OSBPL3: variants seen among roughly 807,000 people sequenced by gnomAD.
OSBPL3 encodes the protein oxysterol binding protein like 3.
A neutral mutation model predicts 120.1 loss-of-function variants in OSBPL3; 65 were observed. That is an observed-to-expected ratio of 0.54 (90% CI 0.44 to 0.67). The LOEUF (loss-of-function observed/expected upper bound fraction) is 0.67, where lower values mean the gene tolerates loss of function less well. Among genes scored for constraint, OSBPL3 ranks in the 30% least tolerant of loss-of-function variants. OSBPL3 has a pLI of 0.00. For missense variants in OSBPL3, 1,004 were observed against 1,082.1 expected, an observed-to-expected ratio of 0.93 and a Z score of 1.01; for synonymous variants, 416 against 402.6, an observed-to-expected ratio of 1.03 and a Z score of -0.40.
chr7:24,918,140 C>T lies in OSBPL3; in HGVS notation c.-149-25519G>A, dbSNP rs1809942755. ...GGCTCACAGCAGCCAGTAATGACAC[C>T]TGGATACTCTTTGTTTACAGTTTCA... On this transcript the variant is annotated intron_variant, in intron 1 of 22. Transcript: ENST00000313367. The surrounding 1 kb of genome is among the most constrained non-coding windows in gnomAD (Gnocchi z 4.3). The T allele has an allele frequency of 7.0e-6, 6 of 857,612 alleles. No individual in the cohort carries two copies. Among genetic ancestry groups the T allele is most frequent in the Non-Finnish European group, 8.4e-6 (6 of 713,540 alleles). The allele number at this position is 857,612 out of a possible 1,614,324, so 53.1% of individuals were successfully genotyped here.
rs954373677 is a variant in OSBPL3 at position 24,978,324 on chromosome 7, T to A, written c.-150+1562A>T. Among the ~76,000 whole-genome samples the A allele has an allele frequency of 3.6e-4, 55 of 152,256 alleles. 1 individual carries two copies. The highest frequency in any genetic ancestry group is 6.3e-4 in the Non-Finnish European group (43 of 68,040). On this transcript the variant is annotated intron_variant, in intron 1 of 22. Transcript: ENST00000313367. ...ATATTTACAGAGAAGGTTTCATTTA[T>A]TCATTCTATAAATGTTTACTGCAAA... is the stretch of plus-strand genomic sequence containing the variant.
rs888198395 is a variant in OSBPL3, at chr7:24,896,012, T to C, written c.-149-3391A>G. Among the ~76,000 whole-genome samples, 4 of 152,282 alleles carry C rather than the reference T, an allele frequency of 2.6e-5. No individual in the cohort carries two copies. The highest frequency in any genetic ancestry group is 4.8e-5 in the African/African-American group (2 of 41,574). On this transcript the variant is annotated intron_variant, in intron 1 of 22. Transcript: ENST00000313367. The surrounding 1 kb of genome is among the most constrained non-coding windows in gnomAD (Gnocchi z 4.4). ...CCCCTGGAGCTGATCTTTTTGCAGA[T>C]TGCTGTCCCTGAGTAAATCTCTCCT...
rs749326073 is a variant in OSBPL3, at chr7:24,809,878, C to T, written c.2246G>A (p.Arg749Gln). 19 of 1,614,006 alleles carry T rather than the reference C, an allele frequency of 1.2e-5. No homozygotes were observed. Among genetic ancestry groups the T allele is most frequent in the East Asian group, 4.5e-5 (2 of 44,894 alleles). The change falls in exon 20 of 23, where the codon CGG becomes CAG. Residue 749 changes from arginine to glutamine, a missense_variant. By Grantham distance (43) the Arg-to-Gln change is conservative. This residue lies in a region of OSBPL3 where 473 missense variants were observed against 568.0 expected (regional missense o/e 0.83). Coordinates refer to ENST00000313367, the MANE Select transcript of OSBPL3 (RefSeq NM_015550.4). ...VFDRSGKAVH[R>Q]LFGKWHESIY... ...GCTTTCATGCCATTTCCCAAACAGC[C>T]GATGAACCGCTTTTCCACTCCTGTC...
In OSBPL3 at chr7:24,865,465, G is replaced by A. The variant is rs768568844; in HGVS notation, c.550C>T (p.Arg184Cys). ...GVFDSISSRK[R>C]SSISKQNLFQ... ...AAATTCTGCTTTGATATACTGCTAC[G>A]CTGTTCCACGGATGACAAAAGCACA... Residue 184 changes from arginine (R) to cysteine (C), a missense_variant and splice_region_variant, in exon 7 of 23, where the codon CGT becomes TGT. Arg to Cys is a radical substitution (Grantham distance 180, BLOSUM62 -3). Coordinates refer to ENST00000313367, the MANE Select transcript of OSBPL3 (RefSeq NM_015550.4). The A allele has an allele frequency of 3.7e-6, 6 of 1,613,106 alleles. No individual in the cohort carries two copies. The highest frequency in any genetic ancestry group is 1.7e-4 in the Middle Eastern group (1 of 6,054).
chr7:24,823,809 C>T (rs1795388202), intron 16 of OSBPL3, among the ~76,000 whole-genome samples: 1 of 152,174 alleles, frequency 6.6e-6, no homozygotes, highest in African/African-American at 2.4e-5. Context: ...TGATTAACTT[C>T]AATGCCCATG....
In OSBPL3 at chr7:24,962,336, G is replaced by T. The variant is rs1024886007; in HGVS notation, c.-150+17550C>A. On this transcript the variant is annotated intron_variant, in intron 1 of 22. Transcript: ENST00000313367. Reference sequence around the variant, plus strand: ...GAAAGAAAGACAGAAAGACAAGAAAGATAAGAAAGACAGCAAAGAAAGAAA... The same window carrying T: ...GAAAGAAAGACAGAAAGACAAGAAATATAAGAAAGACAGCAAAGAAAGAAA... 7.6e-5 allele frequency among the ~76,000 whole-genome samples: 11 copies of T among 145,432 alleles called. 1 individual carries two copies. Among genetic ancestry groups the T allele is most frequent in the Non-Finnish European group, 1.3e-4 (9 of 66,704 alleles).
chr7:24,938,155 AGGAGTT>A lies in OSBPL3; in HGVS notation c.-150+41725_-150+41730del, dbSNP rs1198846281. On this transcript the variant is annotated intron_variant, in intron 1 of 22. Transcript: ENST00000313367. The surrounding 1 kb of genome is among the most constrained non-coding windows in gnomAD (Gnocchi z 5.8). ...ACCTAATCACCAACCTGATGGTATT[AGGAGTT>A]GGAGCCTTTGGGCGGTGATCAAGTC... 6.6e-6 allele frequency among the ~76,000 whole-genome samples: 1 copy of A among 152,240 alleles called. No homozygotes were observed. Among genetic ancestry groups the A allele is most frequent in the African/African-American group, 2.4e-5 (1 of 41,464 alleles).
At chr7:24,887,542 G>A (rs750483428) in intron 2 of OSBPL3, among the ~76,000 whole-genome samples, 1 of 152,114 alleles carries the variant, frequency 6.6e-6, no homozygotes, top group Non-Finnish European at 1.5e-5. Context: ...TTCTCTTACC[G>A]CATTCCACAG....
At chr7:24,811,858 T>A (rs1793841371) in intron 19 of OSBPL3, among the ~76,000 whole-genome samples, 1 of 152,244 alleles carries the variant, frequency 6.6e-6, no homozygotes, top group Non-Finnish European at 1.5e-5. Context: ...TTGGTCTATG[T>A]ATCTGTTTTT....
Position 24,932,118 on chromosome 7 carries a change from C to T in OSBPL3, c.-149-39497G>A, listed in dbSNP as rs370394429. Among the ~76,000 whole-genome samples, 45 of 152,302 alleles carry T rather than the reference C, an allele frequency of 3.0e-4. No homozygotes were observed. The Middle Eastern group carries it at 0.01, about 35-fold the overall frequency. On this transcript the variant is annotated intron_variant, in intron 1 of 22. Coordinates refer to ENST00000313367, the MANE Select transcript of OSBPL3 (RefSeq NM_015550.4). The surrounding 1 kb of genome is among the most constrained non-coding windows in gnomAD (Gnocchi z 5.6). ...TGGTTCAAACCAGTGGTCAGTTTTC[C>T]CATAAACCAGTTCCCATAAACCATG...
Position 24,851,481 on chromosome 7 carries a change from C to T in OSBPL3, c.1158+1023G>A, listed in dbSNP as rs80010323. Among the ~76,000 whole-genome samples, 6,147 of 152,182 alleles carry T rather than the reference C, an allele frequency of 0.04. 183 individuals carry two copies. Among genetic ancestry groups the T allele is most frequent in the African/African-American group, 0.082 (3,393 of 41,512 alleles). On this transcript the variant is annotated intron_variant, in intron 11 of 22. Coordinates refer to ENST00000313367, the MANE Select transcript of OSBPL3 (RefSeq NM_015550.4). The surrounding 1 kb of genome is among the most constrained non-coding windows in gnomAD (Gnocchi z 4.1). ...AAGAGCATCACTTTTCTTGGCAATA[C>T]GATAAATAGAAAATATGAATCAACA... is the stretch of plus-strand genomic sequence containing the variant.
chr7:24,976,219 T>A (rs750815897), intron 1 of OSBPL3, among the ~76,000 whole-genome samples: 2 of 152,210 alleles, frequency 1.3e-5, no homozygotes, highest in African/African-American at 2.4e-5. Context: ...CAATAATGCA[T>A]GTACAGGAAC....
In OSBPL3 at chr7:24,896,043, T is replaced by A. The variant is rs1016406602; in HGVS notation, c.-149-3422A>T. Among the ~76,000 whole-genome samples, 1 of 152,198 alleles carries A rather than the reference T, an allele frequency of 6.6e-6. No individual in the cohort carries two copies. Among genetic ancestry groups the A allele is most frequent in the African/African-American group, 2.4e-5 (1 of 41,450 alleles). ...TCCCTGAGTAAATCTCTCCTGCAAG[T>A]ACTTGTCAACATGCCTTAAGGATGG... is the stretch of plus-strand genomic sequence containing the variant. On this transcript the variant is annotated intron_variant, in intron 1 of 22. Transcript: ENST00000313367. This position sits in a 1 kb window ranked among gnomAD's most constrained non-coding sequence, Gnocchi z 4.4.
chr7:24,805,783 C>T lies in OSBPL3; in HGVS notation c.2444+993G>A, dbSNP rs1792953749. 6.6e-6 allele frequency among the ~76,000 whole-genome samples: 1 copy of T among 152,144 alleles called. No homozygotes were observed. The highest frequency in any genetic ancestry group is 2.4e-5 in the African/African-American group (1 of 41,424). On this transcript the variant is annotated intron_variant, in intron 21 of 22. Transcript: ENST00000313367. This position sits in a 1 kb window ranked among gnomAD's most constrained non-coding sequence, Gnocchi z 4.0. ...GCATTTGCTAACAACAGTGTTCAAT[C>T]CCTGCAAAATGAATTTACCTCCCTA...
rs1040720220 is a variant in OSBPL3 at position 24,900,236 on chromosome 7, C to T, written c.-149-7615G>A. Among the ~76,000 whole-genome samples the T allele has an allele frequency of 5.6e-4, 86 of 152,304 alleles. 1 individual carries two copies. Among genetic ancestry groups the T allele is most frequent in the South Asian group, 8.3e-4 (4 of 4,820 alleles). ...GTGACCTGAATGCACAAGTCCAAAACCACTGCCACAGGTTAATATTACAAC... is the reference window on the plus strand; with the variant it reads ...GTGACCTGAATGCACAAGTCCAAAATCACTGCCACAGGTTAATATTACAAC... On this transcript the variant is annotated intron_variant, in intron 1 of 22. Transcript: ENST00000313367. The surrounding 1 kb of genome is among the most constrained non-coding windows in gnomAD (Gnocchi z 4.5).
chr7:24,920,405 T>G (rs998488228), intron 1 of OSBPL3, among the ~76,000 whole-genome samples: 6 of 152,194 alleles, frequency 3.9e-5, no homozygotes, highest in Admixed American at 3.9e-4. Flanking sequence ...ATATATTGTA[T>G]GATTCCATTT....
At chr7:24,814,029 G>A (rs1794162532) in intron 19 of OSBPL3, among the ~76,000 whole-genome samples, 1 of 152,130 alleles carries the variant, frequency 6.6e-6, no homozygotes, top group African/African-American at 2.4e-5. Context: ...AGGATGATGA[G>A]GAGGGTATGG....
chr7:24,840,766 T>A lies in OSBPL3; in HGVS notation c.1419A>T (p.Ser473=), dbSNP rs1426836665. The A allele has an allele frequency of 1.4e-6, 2 of 1,422,824 alleles. No homozygotes were observed. Among genetic ancestry groups the A allele is most frequent in the African/African-American group, 2.9e-5 (2 of 69,564 alleles). The allele number at this position is 1,422,824 out of a possible 1,614,324, so 88.1% of individuals were successfully genotyped here. A position where few individuals can be genotyped will look rare whatever the true frequency, so the allele number is the denominator to read the frequency against. Residue 473 remains serine, a synonymous_variant, in exon 14 of 23, where the codon TCA becomes TCT. Coordinates refer to ENST00000313367, the MANE Select transcript of OSBPL3 (RefSeq NM_015550.4). ...SSENEISDDD[S]YVSDISDNLS... ...GATTATCACTTATGTCACTGACATA[T>A]GAGTCATCATCAGAAATCTATGGGA...
intron 1 of OSBPL3, among the ~76,000 whole-genome samples, chr7:24,904,618 C>T (rs927105762): frequency 4.6e-5 from 7 of 152,142 alleles, no homozygotes; most frequent in East Asian, 3.9e-4. Context: ...TGGCGATCAC[C>T]GAACCAGTAC....
Sources: gnomAD v4.1 joint callset for allele counts (sites outside exome capture counted in the v4.1 genomes callset) on GRCh38, gnomAD v4.1.1 for gene constraint, gnomAD v4.1.1 regional missense constraint, Gnocchi (gnomAD v3.1) non-coding constraint, MANE v1.5 for transcripts, NCBI Gene and HGNC (gene_info 2026-07-23, HGNC 2026-07-21) for gene names.